Variants in PROM1 observed in about 807,000 individuals in gnomAD.
PROM1 encodes the protein prominin-1.
Under a neutral mutation model 116.9 loss-of-function variants are expected in PROM1, and 105 were observed. The ratio of observed to expected loss-of-function variants is 0.90; its 90% CI spans 0.77 to 1.06. The LOEUF is 1.06. PROM1 is among the 50% of genes least tolerant of loss of function. The pLI, the probability that PROM1 is intolerant of heterozygous loss-of-function variation, is 0.00. For missense variants in PROM1, 1,122 were observed against 1,045.2 expected, an observed-to-expected ratio of 1.07 and a Z score of -1.01; for synonymous variants, 393 against 387.0, an observed-to-expected ratio of 1.02 and a Z score of -0.18.
Position 16,004,836 on chromosome 4 carries a change from C to CTTTCTTTCTTTTT in PROM1, c.1454+1701_1454+1702insAAAAAGAAAGAAA, listed in dbSNP as rs1560460117. Among the ~76,000 whole-genome samples, 449 of 57,468 alleles carry CTTTCTTTCTTTTT rather than the reference C, an allele frequency of 7.8e-3. 4 individuals carry two copies. Among genetic ancestry groups the CTTTCTTTCTTTTT allele is most frequent in the African/African-American group, 0.02 (414 of 20,274 alleles). The allele number at this position is 57,468 out of a possible 152,430, so 37.7% of individuals were successfully genotyped here. A position where few individuals can be genotyped will look rare whatever the true frequency, so the allele number is the denominator to read the frequency against. ...CTTTCTTTCTTTCTTTCTTTTTCTT[C>CTTTCTTTCTTTTT]CTTCCTTCCTTCCTTCCTTCCTTCC... is the stretch of plus-strand genomic sequence containing the variant. On this transcript the variant is annotated intron_variant, in intron 13 of 27. Coordinates refer to ENST00000447510, the MANE Select transcript of PROM1 (RefSeq NM_006017.3).
At chr4:15,970,498 T>C (rs1714214949) in intron 27 of PROM1, among the ~76,000 whole-genome samples, 1 of 149,558 alleles carries the variant, frequency 6.7e-6, no homozygotes, top group South Asian at 2.1e-4. Flanking sequence ...AAAAATCTTA[T>C]CTTTTTAAGT....
chr4:15,985,521 G>A (rs1387662515), intron 22 of PROM1: 4 of 477,984 alleles, frequency 8.4e-6, no homozygotes, highest in Non-Finnish European at 1.1e-5. Context: ...CTGAAAAAGG[G>A]GGTGGGAAGC....
chr4:16,063,235 A>G (rs1236534135), intron 2 of PROM1, among the ~76,000 whole-genome samples: 1 of 152,230 alleles, frequency 6.6e-6, no homozygotes, highest in Non-Finnish European at 1.5e-5. Context: ...TAGGAAAAGC[A>G]ACGTGGTTCT....
chr4:16,019,869 A>ACACACACAC (rs1729372826), intron 8 of PROM1, among the ~76,000 whole-genome samples: 1 of 39,414 alleles, frequency 2.5e-5, no homozygotes, highest in Non-Finnish European at 7.4e-5. Context: ...GAGTGTTAAA[A>ACACACACAC]ATACACACAC....
chr4:15,979,281 T>C, intron 26 of PROM1, 114 bp downstream of exon 26: 1 of 1,517,578 alleles, frequency 6.6e-7, no homozygotes, highest in East Asian at 2.3e-5. Flanking sequence ...ATTGATAAAG[T>C]ATCATACAGA....
chr4:15,998,386 T>C lies in PROM1; in HGVS notation c.1681A>G (p.Ser561Gly). ...KMKLTFEQVY[S>G]DCKKNRGTYG... ...AATGTATAATGCAAATATTGATACC[T>C]GTAAACTTGTTCAAAAGTGAGCTTC... Residue 561 changes from serine to glycine, a missense_variant and splice_region_variant, in exon 15 of 28, where the codon AGT (serine) becomes GGT (glycine). By Grantham distance (56) the Ser-to-Gly change is moderately conservative (BLOSUM62 0). Transcript: ENST00000447510. 2 of 1,594,912 alleles carry C rather than the reference T, an allele frequency of 1.3e-6. No individual in the cohort carries two copies. The highest frequency in any genetic ancestry group is 2.3e-5 in the South Asian group (2 of 85,668).
intron 2 of PROM1, among the ~76,000 whole-genome samples, chr4:16,071,255 C>T (rs779148252): frequency 2.4e-4 from 37 of 152,132 alleles, no homozygotes; most frequent in Non-Finnish European, 5.0e-4. Flanking sequence ...CAAGGTGTAC[C>T]GCAGAACGCA....
chr4:16,012,283 C>T (rs1279623996), intron 11 of PROM1, among the ~76,000 whole-genome samples: 2 of 152,176 alleles, frequency 1.3e-5, no homozygotes, highest in Non-Finnish European at 2.9e-5. Context: ...AGGCGTGAGC[C>T]ACTGCGCCCA....
chr4:16,016,515 AC>A (rs1472919548), intron 9 of PROM1, among the ~76,000 whole-genome samples: 4 of 152,238 alleles, frequency 2.6e-5, no homozygotes, highest in African/African-American at 9.6e-5. Flanking sequence ...ATATGACTTC[AC>A]AACTTCAAAT....
chr4:16,032,806 G>A (rs1733032734), intron 5 of PROM1, among the ~76,000 whole-genome samples: 1 of 152,178 alleles, frequency 6.6e-6, no homozygotes, highest in South Asian at 2.1e-4. Context: ...CGGATTAACA[G>A]CACATAAAAG....
Position 16,000,486 on chromosome 4 carries a change from T to A in PROM1, c.1578+10A>T, listed in dbSNP as rs1723485266. The A allele has an allele frequency of 1.9e-6, 3 of 1,570,570 alleles. No individual in the cohort carries two copies. Among genetic ancestry groups the A allele is most frequent in the Non-Finnish European group, 2.6e-6 (3 of 1,147,574 alleles). On this transcript the variant is annotated intron_variant, in intron 14 of 27. Coordinates refer to ENST00000447510, the MANE Select transcript of PROM1 (RefSeq NM_006017.3). Reference sequence around the variant, plus strand: ...AAGTCCTTTCATAATGGGTAGAAAATCATATTTACCCGGAATAATTCCTTG... The same window carrying A: ...AAGTCCTTTCATAATGGGTAGAAAAACATATTTACCCGGAATAATTCCTTG...
intron 2 of PROM1, among the ~76,000 whole-genome samples, chr4:16,042,980 G>C (rs1162685870): frequency 6.6e-6 from 1 of 151,970 alleles, no homozygotes; most frequent in Non-Finnish European, 1.5e-5. Context: ...TTTTGCTTTT[G>C]GAAACTATAG....
At chr4:16,071,011 C>A (rs1742683635) in intron 2 of PROM1, among the ~76,000 whole-genome samples, 2 of 152,164 alleles carry the variant, frequency 1.3e-5, no homozygotes, top group African/African-American at 2.4e-5. Context: ...ACAACTTAGC[C>A]AAGATCATTC....
chr4:16,055,144 T>G (rs1378857837), intron 2 of PROM1: 1 of 276,028 alleles, frequency 3.6e-6, no homozygotes, highest in Non-Finnish European at 7.4e-6. Flanking sequence ...ATGCCCCAAA[T>G]GAGACATCTA....
At chr4:16,067,242 TC>T (rs2149539142) in intron 2 of PROM1, among the ~76,000 whole-genome samples, 1 of 152,294 alleles carries the variant, frequency 6.6e-6, no homozygotes, top group East Asian at 1.9e-4. Context: ...TGGCTGGGCC[TC>T]TTAGCCATCA....
intron 26 of PROM1, among the ~76,000 whole-genome samples, chr4:15,975,068 T>C (rs1360131085): frequency 1.3e-5 from 2 of 152,192 alleles, no homozygotes; most frequent in African/African-American, 4.8e-5. Context: ...ACCTTTGGGT[T>C]CCTTCCATTG....
chr4:15,987,310 C>T (rs945351855), intron 20 of PROM1, among the ~76,000 whole-genome samples: 1 of 152,192 alleles, frequency 6.6e-6, no homozygotes, highest in African/African-American at 2.4e-5. Flanking sequence ...AGCCTGCTGT[C>T]AAACCAGCAG....
intron 9 of PROM1, 102 bp from the exon 10 acceptor site, chr4:16,016,342 T>C (rs1728391340): frequency 1.1e-6 from 1 of 874,078 alleles, no homozygotes; most frequent in Non-Finnish European, 1.8e-6. Flanking sequence ...AAAGCATCTA[T>C]ACTACAGGGT....
intron 26 of PROM1, among the ~76,000 whole-genome samples, chr4:15,976,398 CCTT>C (rs1237190020): frequency 8.5e-5 from 13 of 152,348 alleles, no homozygotes; most frequent in African/African-American, 2.6e-4. Context: ...GCTACGACAA[CCTT>C]CTTGAGCCTA....
Sources: gnomAD v4.1 joint callset for allele counts (sites outside exome capture counted in the v4.1 genomes callset) on GRCh38, gnomAD v4.1.1 for gene constraint, MANE v1.5 for transcripts, NCBI Gene and HGNC (gene_info 2026-07-23, HGNC 2026-07-21) for gene names.